The following ZER1 variants were observed in gnomAD, a reference collection of about 807,000 sequenced individuals.
ZER1 encodes the protein zyg-11 related cell cycle regulator, also known as protein zer-1 homolog.
In ZER1, 11 loss-of-function variants were observed where a neutral mutation model predicts 78.8. The observed-to-expected ratio is 0.14, with a 90% CI of 0.09 to 0.23. The LOEUF is 0.23. Among genes scored for constraint, ZER1 ranks in the 10% least tolerant of loss-of-function variants. The pLI is 1.00. For missense variants in ZER1, 588 were observed against 996.9 expected (o/e 0.59, Z 5.52); for synonymous variants, 400 against 407.0 (o/e 0.98, Z 0.21).
chr9:128,732,071 T>A lies in ZER1; in HGVS notation c.2244-677A>T, dbSNP rs1025050365. ...TCTGTGTGTTAAAGGGATGCCCCAA[T>A]ACCTTTTAGGAAACAAATACCCAGA... On this transcript the variant is annotated intron_variant, in intron 15 of 15. Transcript: ENST00000291900. This position sits in a 1 kb window ranked among gnomAD's most constrained non-coding sequence, Gnocchi z 4.8. 1.3e-5 allele frequency among the ~76,000 whole-genome samples: 2 copies of A among 152,238 alleles called. No homozygotes were observed. Among genetic ancestry groups the A allele is most frequent in the Non-Finnish European group, 2.9e-5 (2 of 68,048 alleles).
intron 9 of ZER1, 89 bp from the exon 10 acceptor site, chr9:128,741,930 G>T: frequency 6.5e-7 from 1 of 1,539,626 alleles, no homozygotes; most frequent in Non-Finnish European, 9.0e-7. Context: ...GCTCAGCAAC[G>T]CCATGGCTAG....
chr9:128,744,283 G>A (rs1331693848), intron 8 of ZER1, among the ~76,000 whole-genome samples: 1 of 151,266 alleles, frequency 6.6e-6, no homozygotes, highest in Non-Finnish European at 1.5e-5. Flanking sequence ...CCTCTGCCTC[G>A]CGGGTCCAAG....
chr9:128,742,364 A>G (rs530701115), intron 9 of ZER1, among the ~76,000 whole-genome samples, 166 bp downstream of exon 9: 4 of 152,360 alleles, frequency 2.6e-5, no homozygotes, highest in African/African-American at 9.6e-5. Flanking sequence ...AACATTCAGC[A>G]TTAAGAAATT....
intron 8 of ZER1, among the ~76,000 whole-genome samples, chr9:128,744,754 C>G (rs2132422671): frequency 6.6e-6 from 1 of 152,316 alleles, no homozygotes; most frequent in Middle Eastern, 3.4e-3. Flanking sequence ...GCTGGGATTA[C>G]AGGCATGAGC....
At chr9:128,757,572 T>C (rs137867840) in intron 1 of ZER1, among the ~76,000 whole-genome samples, 15 of 150,564 alleles carry the variant, frequency 1.0e-4, no homozygotes, top group African/African-American at 2.7e-4. Flanking sequence ...TGAAGGAAGA[T>C]AGTGAAACAG....
rs757855544 is a variant in ZER1 at position 128,753,794 on chromosome 9, C to T, written c.309+15G>A. The T allele has an allele frequency of 7.1e-6, 11 of 1,550,594 alleles. No homozygotes were observed. Among genetic ancestry groups the T allele is most frequent in the East Asian group, 6.8e-5 (3 of 43,890 alleles). Reference sequence around the variant, plus strand: ...GGTGTGGGCCCTCCTGGCGCTGTGGCGGGGCAGGTCTCACCTGCTTGCGGA... The same window carrying T: ...GGTGTGGGCCCTCCTGGCGCTGTGGTGGGGCAGGTCTCACCTGCTTGCGGA... On this transcript the variant is annotated intron_variant, in intron 3 of 15. Transcript: ENST00000291900. The surrounding 1 kb of genome is among the most constrained non-coding windows in gnomAD (Gnocchi z 7.5).
intron 1 of ZER1, among the ~76,000 whole-genome samples, chr9:128,756,995 G>A (rs1265127452): frequency 6.6e-6 from 1 of 151,802 alleles, no homozygotes; most frequent in Non-Finnish European, 1.5e-5. Flanking sequence ...CTAACCAGGA[G>A]GTAGAAAATC....
Position 128,741,898 on chromosome 9 carries a change from A to C in ZER1, c.1576-57T>G, listed in dbSNP as rs184357692. The C allele has an allele frequency of 1.3e-4, 216 of 1,611,302 alleles. 1 individual carries two copies. In the East Asian group the frequency reaches 4.4e-3, roughly 33 times the overall value. The stretch of plus-strand genomic sequence containing the variant: ...CTGGGGCTGAAGAACTCCCACCCCC[A>C]CGAACCCAAGATGGAGGGGAGGCTC... On this transcript the variant is annotated intron_variant, in intron 9 of 15. Coordinates refer to ENST00000291900, the MANE Select transcript of ZER1 (RefSeq NM_006336.4).
chr9:128,768,299 T>C (rs1864279268), intron 1 of ZER1, among the ~76,000 whole-genome samples: 1 of 152,170 alleles, frequency 6.6e-6, no homozygotes, highest in Admixed American at 6.6e-5. Flanking sequence ...TTCCAGCTAG[T>C]GGGCCCCCAA....
Position 128,729,991 on chromosome 9 carries a change from G to C in ZER1, c.*1346C>G, listed in dbSNP as rs1333358633. The C allele has an allele frequency of 6.6e-6, 1 of 152,412 alleles. No homozygotes were observed. Among genetic ancestry groups the C allele is most frequent in the Non-Finnish European group, 1.5e-5 (1 of 68,158 alleles). The allele number at this position is 152,412 out of a possible 1,614,324, so 9.4% of individuals were successfully genotyped here. On this transcript the variant is annotated 3_prime_UTR_variant, in exon 16 of 16. Coordinates refer to ENST00000291900, the MANE Select transcript of ZER1 (RefSeq NM_006336.4). ...GCGCCCACTTCCCAGGGCCGGGAGGGAGAGGCTCCAGGAGAAAAAGGCCAG... is the reference window on the plus strand; with the variant it reads ...GCGCCCACTTCCCAGGGCCGGGAGGCAGAGGCTCCAGGAGAAAAAGGCCAG...
intron 9 of ZER1, 110 bp from the exon 10 acceptor site, chr9:128,741,951 T>C: frequency 1.4e-6 from 2 of 1,406,512 alleles, no homozygotes; most frequent in Non-Finnish European, 2.0e-6. Flanking sequence ...TTCAGGAGTC[T>C]TGACGAGATC....
At chr9:128,736,178 C>T (rs528082076) in intron 13 of ZER1, among the ~76,000 whole-genome samples, 33 of 152,182 alleles carry the variant, frequency 2.2e-4, no homozygotes, top group Non-Finnish European at 4.1e-4. Flanking sequence ...TCTCGATCTC[C>T]TGACCTCGTG....
Position 128,741,809 on chromosome 9 carries a change from C to T in ZER1, c.1608G>A (p.Leu536=), listed in dbSNP as rs1863306287. 6.2e-7 allele frequency: 1 copy of T among 1,614,174 alleles called. No individual in the cohort carries two copies. Among genetic ancestry groups the T allele is most frequent in the Non-Finnish European group, 8.5e-7 (1 of 1,180,038 alleles). The change falls in exon 10 of 16, where the codon CTG becomes CTA. Residue 536 remains leucine, a synonymous_variant. Coordinates refer to ENST00000291900, the MANE Select transcript of ZER1 (RefSeq NM_006336.4). ...TMLKLIQKKL[L]DKTCDQVMEF... is the part of the protein sequence containing the mutation. ...TGAAGACTTGACTTACTGTCTTGTCCAGCAGCTTCTTCTGAATCAGCTTCA... is the reference window on the plus strand; with the variant it reads ...TGAAGACTTGACTTACTGTCTTGTCTAGCAGCTTCTTCTGAATCAGCTTCA...
chr9:128,753,326 A>T lies in ZER1; in HGVS notation c.584T>A (p.Leu195Gln). ...MIDWVPVESL[L>Q]RPLNSLAALD... ...GGCAGCCAGGGAGTTAAGCGGCCGC[A>T]GCAGGGACTCCACAGGGACCCAATC... is the stretch of plus-strand genomic sequence containing the variant. Residue 195 changes from leucine (L) to glutamine (Q), a missense_variant, in exon 4 of 16, where the codon CTG (leucine) becomes CAG (glutamine). By Grantham distance (113) the Leu-to-Gln change is moderately radical. Transcript: ENST00000291900. This position sits in a 1 kb window ranked among gnomAD's most constrained non-coding sequence, Gnocchi z 7.5. 1 of 1,613,538 alleles carries T rather than the reference A, an allele frequency of 6.2e-7. No individual in the cohort carries two copies. Among genetic ancestry groups the T allele is most frequent in the Non-Finnish European group, 8.5e-7 (1 of 1,179,792 alleles).
chr9:128,750,127 A>C (rs1372933234), intron 8 of ZER1, among the ~76,000 whole-genome samples: 3 of 152,224 alleles, frequency 2.0e-5, no homozygotes, highest in Non-Finnish European at 4.4e-5. Flanking sequence ...CACCATATAC[A>C]AACAGTATGC....
intron 5 of ZER1, among the ~76,000 whole-genome samples, chr9:128,752,171 C>T (rs1314529480): frequency 6.6e-6 from 1 of 152,180 alleles, no homozygotes; most frequent in African/African-American, 2.4e-5. Flanking sequence ...ATCCTCAGGC[C>T]ACACCGGGGC....
At position 128,754,134 on chromosome 9, in the gene ZER1, A is replaced by C. The variant is rs1424919166; in HGVS notation, c.159-175T>G. On this transcript the variant is annotated intron_variant, in intron 2 of 15. Transcript: ENST00000291900. This position sits in a 1 kb window ranked among gnomAD's most constrained non-coding sequence, Gnocchi z 4.3. ...ACTACCAGTAAGATTAAGGGTGCCC[A>C]GGAACCAGGAATCTAAAGGCAGCTC... Among the ~76,000 whole-genome samples the C allele has an allele frequency of 1.3e-5, 2 of 152,198 alleles. No individual in the cohort carries two copies. The highest frequency in any genetic ancestry group is 4.8e-5 in the African/African-American group (2 of 41,450).
intron 1 of ZER1, among the ~76,000 whole-genome samples, chr9:128,756,460 G>C (rs1478917396): frequency 6.6e-6 from 1 of 152,172 alleles, no homozygotes; most frequent in Non-Finnish European, 1.5e-5. Context: ...ACCATTCATA[G>C]CAACATTATT....
chr9:128,744,786 G>A lies in ZER1; in HGVS notation c.1360-2041C>T, dbSNP rs540020599. Reference sequence around the variant, plus strand: ...GAGCCACCATGCCTGGCTGGCCCCCGCTTTTTATAGAGATATTCTATAGGT... The same window carrying A: ...GAGCCACCATGCCTGGCTGGCCCCCACTTTTTATAGAGATATTCTATAGGT... On this transcript the variant is annotated intron_variant, in intron 8 of 15. Transcript: ENST00000291900. 3.9e-5 allele frequency among the ~76,000 whole-genome samples: 6 copies of A among 152,242 alleles called. No individual in the cohort carries two copies. In the East Asian group the frequency reaches 5.8e-4, roughly 15 times the overall value.
Sources: gnomAD v4.1 joint callset for allele counts (sites outside exome capture counted in the v4.1 genomes callset) on GRCh38, gnomAD v4.1.1 for gene constraint, Gnocchi (gnomAD v3.1) non-coding constraint, MANE v1.5 for transcripts, NCBI Gene and HGNC (gene_info 2026-07-23, HGNC 2026-07-21) for gene names.